RBFOX1: variants seen among roughly 807,000 people sequenced by gnomAD.
RBFOX1 encodes the protein RNA binding fox-1 homolog 1, also known as RNA binding protein fox-1 homolog 1.
RBFOX1 carries 8 observed loss-of-function variants against 57.7 expected under a neutral mutation model. That is an observed-to-expected ratio of 0.14 (90% CI 0.08 to 0.25). The LOEUF is 0.25. Ranked by LOEUF, RBFOX1 falls within the 10% of genes least tolerant of loss-of-function variation. The pLI, the probability that RBFOX1 is intolerant of heterozygous loss-of-function variation, is 1.00. For synonymous variants in RBFOX1, 326 were observed against 222.4 expected (o/e 1.47, Z -4.15); for missense variants, 611 against 548.5 (o/e 1.11, Z -1.14).
chr16:6,126,245 T>G (rs2096588802), intron 1 of RBFOX1, among the ~76,000 whole-genome samples: 1 of 152,144 alleles, frequency 6.6e-6, no homozygotes, highest in African/African-American at 2.4e-5. Flanking sequence ...TTTCAGATAG[T>G]CAAGAGCGCC....
chr16:5,439,554 T>G (rs2068020384), intron 1 of RBFOX1, among the ~76,000 whole-genome samples: 1 of 152,034 alleles, frequency 6.6e-6, no homozygotes, highest in Non-Finnish European at 1.5e-5. Context: ...GAGACTTGTT[T>G]GTGAACTGGG....
chr16:6,171,873 G>A (rs530332245), intron 1 of RBFOX1, among the ~76,000 whole-genome samples: 3 of 151,816 alleles, frequency 2.0e-5, no homozygotes, highest in East Asian at 3.9e-4. Context: ...CCAGGTTGGA[G>A]TGCAGTGGCA....
intron 3 of RBFOX1, among the ~76,000 whole-genome samples, chr16:6,998,133 CTATT>C (rs1173359541): frequency 8.6e-5 from 13 of 151,910 alleles, no homozygotes; most frequent in South Asian, 2.1e-4. Flanking sequence ...ATATAATTAT[CTATT>C]TATTTATTTA....
chr16:6,736,862 A>G (rs2070475008), intron 3 of RBFOX1, among the ~76,000 whole-genome samples: 2 of 152,172 alleles, frequency 1.3e-5, no homozygotes, highest in Non-Finnish European at 2.9e-5. Context: ...GGATACCTAG[A>G]GTCTGAAGCA....
At chr16:6,764,913 G>A (rs1181816443) in intron 3 of RBFOX1, among the ~76,000 whole-genome samples, 1 of 152,066 alleles carries the variant, frequency 6.6e-6, no homozygotes, top group African/African-American at 2.4e-5. Flanking sequence ...CTCCAACCTG[G>A]ATGACAGAGC....
chr16:5,879,784 C>G (rs1299063204), intron 4 of RBFOX1, among the ~76,000 whole-genome samples: 1 of 152,188 alleles, frequency 6.6e-6, no homozygotes, highest in Non-Finnish European at 1.5e-5. Flanking sequence ...ATCTGTTGAC[C>G]TCGCAGTACA....
intron 3 of RBFOX1, among the ~76,000 whole-genome samples, chr16:6,807,256 A>C (rs2087074248): frequency 6.6e-6 from 1 of 152,062 alleles, no homozygotes. Context: ...TCTTAAACTA[A>C]GGTATTGAGG....
At chr16:6,011,698 C>T (rs2094962208) in intron 4 of RBFOX1, among the ~76,000 whole-genome samples, 2 of 152,166 alleles carry the variant, frequency 1.3e-5, no homozygotes, top group South Asian at 4.1e-4. Flanking sequence ...CAGTATGAAG[C>T]TTGCATGTGT....
intron 4 of RBFOX1, among the ~76,000 whole-genome samples, chr16:7,138,288 A>C (rs781381238): frequency 8.5e-5 from 13 of 152,226 alleles, no homozygotes; most frequent in Middle Eastern, 3.2e-3. Context: ...ATAAGAGGCC[A>C]CACATGAGAT....
At chr16:6,824,532 G>C (rs780581989) in intron 3 of RBFOX1, among the ~76,000 whole-genome samples, 3 of 152,012 alleles carry the variant, frequency 2.0e-5, no homozygotes, top group Admixed American at 6.5e-5. Flanking sequence ...AACATGTTGA[G>C]TATATCTCCT....
At chr16:5,797,979 C>T (rs904038828) in intron 3 of RBFOX1, among the ~76,000 whole-genome samples, 3 of 152,188 alleles carry the variant, frequency 2.0e-5, no homozygotes, top group Non-Finnish European at 4.4e-5. Flanking sequence ...TTCTTTCAAA[C>T]AGTATTTGTA....
intron 4 of RBFOX1, among the ~76,000 whole-genome samples, chr16:5,879,240 A>G (rs933593426): frequency 3.9e-5 from 6 of 152,218 alleles, no homozygotes; most frequent in Admixed American, 2.6e-4. Flanking sequence ...CTGAGTTCCA[A>G]TGAGCAAATG....
chr16:5,860,739 G>A (rs1047076023), intron 3 of RBFOX1, among the ~76,000 whole-genome samples: 5 of 152,170 alleles, frequency 3.3e-5, no homozygotes, highest in African/African-American at 1.2e-4. Context: ...CAAGAAGAGA[G>A]AGAAGAATGA....
At position 6,504,349 on chromosome 16, in the gene RBFOX1, G is replaced by T. The variant is rs1162123900; in HGVS notation, c.-63-150254G>T. On this transcript the variant is annotated intron_variant, in intron 2 of 15. Transcript: ENST00000550418. ...CACATTCCCCTGCCCTTCACCATCA[G>T]ACAGTTTATTTCAGAGATCATTTGG... Among the ~76,000 whole-genome samples, 3 of 152,202 alleles carry T rather than the reference G, an allele frequency of 2.0e-5. No individual in the cohort carries two copies. The East Asian group carries it at 5.8e-4, about 29-fold the overall frequency.
intron 4 of RBFOX1, among the ~76,000 whole-genome samples, chr16:7,503,430 G>A (rs917234960): frequency 6.6e-6 from 1 of 152,218 alleles, no homozygotes; most frequent in African/African-American, 2.4e-5. Context: ...AAGTCACACA[G>A]CGATATTATC....
intron 12 of RBFOX1, among the ~76,000 whole-genome samples, chr16:7,654,150 G>C (rs544717504): frequency 6.6e-6 from 1 of 152,224 alleles, no homozygotes; most frequent in Non-Finnish European, 1.5e-5. Context: ...TCCTGTCATG[G>C]TTGGTGCCTT....
chr16:7,151,911 G>A (rs911900250), intron 4 of RBFOX1, among the ~76,000 whole-genome samples: 1 of 152,166 alleles, frequency 6.6e-6, no homozygotes, highest in Non-Finnish European at 1.5e-5. Flanking sequence ...AGGTGGTAAT[G>A]TGAGCTATGG....
At chr16:5,893,275 G>C (rs774252089) in intron 4 of RBFOX1, among the ~76,000 whole-genome samples, 3 of 152,146 alleles carry the variant, frequency 2.0e-5, no homozygotes, top group Non-Finnish European at 4.4e-5. Flanking sequence ...TAAATACGTG[G>C]CAGCCTTTGA....
intron 1 of RBFOX1, among the ~76,000 whole-genome samples, chr16:6,051,704 C>T (rs1379932312): frequency 6.6e-6 from 1 of 152,178 alleles, no homozygotes; most frequent in East Asian, 1.9e-4. Flanking sequence ...GCTGAGATTA[C>T]AGGCTCCTGC....
Sources: allele counts gnomAD v4.1 joint callset (sites outside exome capture counted in the v4.1 genomes callset), GRCh38; gene constraint gnomAD v4.1.1; transcripts MANE v1.5; gene names NCBI Gene and HGNC (gene_info 2026-07-23, HGNC 2026-07-21).